Variants in CKLF observed in about 807,000 individuals in gnomAD.
The protein encoded by CKLF is chemokine like factor, also known as chemokine-like factor.
A neutral mutation model predicts 12.9 loss-of-function variants in CKLF; 16 were observed. The observed-to-expected ratio is 1.24, with a 90% confidence interval of 0.84 to 1.88. The LOEUF (loss-of-function observed/expected upper bound fraction) is 1.88. Ranked by LOEUF, CKLF falls within the 40% of genes most tolerant of loss-of-function variation. The pLI is 0.00. For missense variants in CKLF, 172 were observed against 188.5 expected (o/e 0.91, Z 0.51); for synonymous variants, 61 against 69.0 (o/e 0.88, Z 0.57).
intron 1 of CKLF, among the ~76,000 whole-genome samples, chr16:66,556,517 A>T (rs2011458697): frequency 6.6e-6 from 1 of 152,210 alleles, no homozygotes; most frequent in Non-Finnish European, 1.5e-5. Context: ...GACAGAAACC[A>T]TAGAAAGGTT....
At chr16:66,560,806 C>T (rs1197752626) in intron 2 of CKLF, among the ~76,000 whole-genome samples, 2 of 135,364 alleles carry the variant, frequency 1.5e-5, no homozygotes, top group African/African-American at 7.2e-5. Context: ...TATACACACA[C>T]ACACACACAC....
chr16:66,563,021 A>C, intron 2 of CKLF, 101 bp from the exon 3 acceptor site: 1 of 1,359,754 alleles, frequency 7.4e-7, no homozygotes, highest in South Asian at 1.2e-5. Context: ...CTGCCTGCTG[A>C]CTTTGTTTTT....
intron 1 of CKLF, 62 bp downstream of exon 1, chr16:66,552,855 T>C: frequency 1.2e-6 from 2 of 1,610,914 alleles, no homozygotes; most frequent in Non-Finnish European, 1.7e-6. Flanking sequence ...GAGATGTGGG[T>C]GTGAAGTGCA....
At position 66,558,212 on chromosome 16, in the gene CKLF, C is replaced by A; in HGVS notation, c.101C>A (p.Thr34Asn). 6.2e-7 allele frequency: 1 copy of A among 1,612,424 alleles called. No homozygotes were observed. Among genetic ancestry groups the A allele is most frequent in the Non-Finnish European group, 8.5e-7 (1 of 1,179,712 alleles). Residue 34 changes from threonine (T) to asparagine (N), a missense_variant, in exon 2 of 4, where the codon ACC becomes AAC. Thr to Asn is a moderately conservative substitution (Grantham distance 65, BLOSUM62 0). Coordinates refer to ENST00000264001, the MANE Select transcript of CKLF (RefSeq NM_016951.4). ...TAGGCACTAACTGTGACATCTATGA[C>A]CTTTTTTATCATCGCACAAGCCCCT... ...LRLALTVTSM[T>N]FFIIAQAPEP... is the part of the protein sequence containing the mutation.
In CKLF at chr16:66,563,147, C is replaced by T; in HGVS notation, c.263C>T (p.Thr88Ile). 6.2e-7 allele frequency: 1 copy of T among 1,614,054 alleles called. No homozygotes were observed. The highest frequency in any genetic ancestry group is 8.5e-7 in the Non-Finnish European group (1 of 1,180,024). ...GATATTATCAACTCACTGGTAACAACAGTATTCATGCTCATCGTATCTGTG... is the reference window on the plus strand; with the variant it reads ...GATATTATCAACTCACTGGTAACAATAGTATTCATGCTCATCGTATCTGTG... ...LLDIINSLVT[T>I]VFMLIVSVLA... Residue 88 changes from threonine (T) to isoleucine (I), a missense_variant, in exon 3 of 4, where the codon ACA becomes ATA. By Grantham distance (89) the Thr-to-Ile change is moderately conservative. Coordinates refer to ENST00000264001, the MANE Select transcript of CKLF (RefSeq NM_016951.4).
rs1455056197 is a variant in CKLF at position 66,566,017 on chromosome 16, T to C, written c.*6T>C. ...AAAAAAAAGAAGTTTTGTAATTTTA[T>C]ATTACTTTTTAGTTTGATACTAAGT... On this transcript the variant is annotated 3_prime_UTR_variant, in exon 4 of 4. Coordinates refer to ENST00000264001, the MANE Select transcript of CKLF (RefSeq NM_016951.4). The surrounding 1 kb of genome is among the most constrained non-coding windows in gnomAD (Gnocchi z 4.9). The C allele has an allele frequency of 1.2e-6, 2 of 1,608,846 alleles. No homozygotes were observed. Among genetic ancestry groups the C allele is most frequent in the African/African-American group, 1.3e-5 (1 of 74,692 alleles).
intron 1 of CKLF, among the ~76,000 whole-genome samples, chr16:66,553,204 A>G (rs892056125): frequency 2.6e-5 from 4 of 152,126 alleles, no homozygotes; most frequent in African/African-American, 9.7e-5. Flanking sequence ...ATTAAAAATC[A>G]GATCTACCCA....
Position 66,565,925 on chromosome 16 carries a change from G to A in CKLF, c.373G>A (p.Gly125Arg), listed in dbSNP as rs766103816. Residue 125 changes from glycine (G) to arginine (R), a missense_variant, in exon 4 of 4, where the codon GGG becomes AGG. Transcript: ENST00000264001. The part of the protein sequence containing the change: ...LVTAVCCLAD[G>R]ALIYRKLLFN... ...GACAGCAGTATGCTGTCTTGCCGAC[G>A]GGGCCCTTATTTACCGGAAGCTTCT... The A allele has an allele frequency of 3.1e-6, 5 of 1,614,054 alleles. No individual in the cohort carries two copies. The highest frequency in any genetic ancestry group is 2.2e-5 in the South Asian group (2 of 91,086).
Position 66,560,796 on chromosome 16 carries a change from T to TAC in CKLF, c.238-2325_238-2324insCA, listed in dbSNP as rs1372034123. On this transcript the variant is annotated intron_variant, in intron 2 of 3. Coordinates refer to ENST00000264001, the MANE Select transcript of CKLF (RefSeq NM_016951.4). ...GGACACATTTAAACAGAAAGATAAG[T>TAC]ATACACACACACACACACACACACA... Among the ~76,000 whole-genome samples, 9 of 110,546 alleles carry TAC rather than the reference T, an allele frequency of 8.1e-5. No homozygotes were observed. In the South Asian group the frequency reaches 1.9e-3, roughly 23 times the overall value. The allele number at this position is 110,546 out of a possible 152,430, so 72.5% of individuals were successfully genotyped here.
At chr16:66,562,191 TCTC>T (rs2011780315) in intron 2 of CKLF, among the ~76,000 whole-genome samples, 1 of 152,002 alleles carries the variant, frequency 6.6e-6, no homozygotes, top group Non-Finnish European at 1.5e-5. Flanking sequence ...TTCAAGCAAT[TCTC>T]CTGCCTCAGC....
chr16:66,553,891 A>T (rs562504310), intron 1 of CKLF, among the ~76,000 whole-genome samples: 99 of 152,262 alleles, frequency 6.5e-4, no homozygotes, highest in African/African-American at 2.3e-3. Context: ...AAAGTCTGTG[A>T]TTGTGAGAAG....
chr16:66,558,785 A>G (rs972070084), intron 2 of CKLF, among the ~76,000 whole-genome samples: 14 of 152,214 alleles, frequency 9.2e-5, no homozygotes, highest in African/African-American at 3.1e-4. Context: ...AATCAAACTA[A>G]TTGGGGAGGC....
chr16:66,556,034 G>A (rs2011438553), intron 1 of CKLF, among the ~76,000 whole-genome samples: 1 of 152,162 alleles, frequency 6.6e-6, no homozygotes. Flanking sequence ...TCCAGATAGG[G>A]ATTCTAAATG....
At chr16:66,562,133 G>A (rs1020513506) in intron 2 of CKLF, among the ~76,000 whole-genome samples, 16 of 151,144 alleles carry the variant, frequency 1.1e-4, no homozygotes, top group Admixed American at 5.3e-4. Flanking sequence ...CCACCAGGCT[G>A]GAATGCAGTG....
intron 3 of CKLF, among the ~76,000 whole-genome samples, chr16:66,564,692 G>A (rs185097192): frequency 1.4e-3 from 216 of 152,266 alleles, no homozygotes; most frequent in African/African-American, 5.1e-3. Context: ...GGATGGTCTC[G>A]ATCTTCCGAC....
At chr16:66,553,243 G>T (rs1410635316) in intron 1 of CKLF, among the ~76,000 whole-genome samples, 4 of 151,866 alleles carry the variant, frequency 2.6e-5, no homozygotes, top group African/African-American at 9.7e-5. Context: ...CCACAAACCG[G>T]GTACCCAGGT....
intron 1 of CKLF, among the ~76,000 whole-genome samples, chr16:66,553,161 A>AAAAATAAAAAC (rs113692212): frequency 6.7e-6 from 1 of 150,214 alleles, no homozygotes; most frequent in Admixed American, 6.6e-5. Flanking sequence ...CTGCCTCTTT[A>AAAAATAAAAAC]AAAACAAAAA....
chr16:66,565,839 G>A (rs1303818088), intron 3 of CKLF, 47 bp from the exon 4 acceptor site: 35 of 1,588,188 alleles, frequency 2.2e-5, no homozygotes, highest in Non-Finnish European at 2.9e-5. Flanking sequence ...GTGAATGACA[G>A]GAGTGGGGAC....
intron 1 of CKLF, among the ~76,000 whole-genome samples, chr16:66,555,901 G>A (rs1394214468): frequency 6.6e-6 from 1 of 152,152 alleles, no homozygotes; most frequent in Non-Finnish European, 1.5e-5. Context: ...TAGGAACAGT[G>A]ATCTTAGGTT....
Sources: allele counts gnomAD v4.1 joint callset (sites outside exome capture counted in the v4.1 genomes callset), GRCh38; gene constraint gnomAD v4.1.1; non-coding constraint Gnocchi (gnomAD v3.1); transcripts MANE v1.5; gene names NCBI Gene and HGNC (gene_info 2026-07-23, HGNC 2026-07-21).